Variants in PPFIA2 observed in about 807,000 individuals in gnomAD.
PPFIA2 encodes liprin-alpha-2.
A neutral mutation model predicts 175.5 loss-of-function variants in PPFIA2; 46 were observed. That is an observed-to-expected ratio of 0.26 (90% CI 0.21 to 0.34). The LOEUF is 0.34. Among genes scored for constraint, PPFIA2 ranks in the 10% least tolerant of loss-of-function variants. PPFIA2 has a pLI of 1.00. For missense variants in PPFIA2, 1,179 were observed against 1,506.1 expected (o/e 0.78, Z 3.60); for synonymous variants, 568 against 511.4 (o/e 1.11, Z -1.49).
chr12:81,261,191 G>T (rs1344822931), intron 32 of PPFIA2: 1 of 152,060 alleles, frequency 6.6e-6, no homozygotes, highest in East Asian at 1.9e-4. Context: ...ATGTAATAAA[G>T]GTTTGAATTT....
chr12:81,648,782 AAGAT>A lies in PPFIA2; in HGVS notation c.303+28005_303+28008del, dbSNP rs145054600. On this transcript the variant is annotated intron_variant, in intron 4 of 32. Transcript: ENST00000549396. ...TAATAATGACTCTATTATTGGCAAA[AAGAT>A]AGACTTACAGATCAATGGAAAAGAA... Among the ~76,000 whole-genome samples, 637 of 152,194 alleles carry A rather than the reference AAGAT, an allele frequency of 4.2e-3. 6 individuals carry two copies. Among genetic ancestry groups the A allele is most frequent in the African/African-American group, 0.015 (609 of 41,560 alleles).
chr12:81,305,429 T>C (rs1317524568), intron 22 of PPFIA2, among the ~76,000 whole-genome samples: 2 of 152,192 alleles, frequency 1.3e-5, no homozygotes, highest in Non-Finnish European at 2.9e-5. Context: ...CTATAATGGC[T>C]TTTAATTTAC....
intron 21 of PPFIA2, among the ~76,000 whole-genome samples, chr12:81,328,899 A>C (rs1205928966): frequency 1.3e-5 from 2 of 149,408 alleles, no homozygotes; most frequent in Non-Finnish European, 3.0e-5. Context: ...CTGCAGCCTC[A>C]AACTCCTGAA....
At chr12:81,295,622 G>A (rs2137951541) in intron 23 of PPFIA2, among the ~76,000 whole-genome samples, 1 of 152,292 alleles carries the variant, frequency 6.6e-6, no homozygotes, top group Middle Eastern at 3.4e-3. Flanking sequence ...GTGAAATGAT[G>A]TGCTAAGAAA....
intron 4 of PPFIA2, among the ~76,000 whole-genome samples, chr12:81,471,778 T>C (rs968469682): frequency 6.6e-6 from 1 of 152,184 alleles, no homozygotes; most frequent in Non-Finnish European, 1.5e-5. Context: ...GAATATGGGT[T>C]TCAATTTCTC....
At chr12:81,742,426 A>G (rs2082435392) in intron 3 of PPFIA2, among the ~76,000 whole-genome samples, 1 of 152,170 alleles carries the variant, frequency 6.6e-6, no homozygotes, top group South Asian at 2.1e-4. Flanking sequence ...TTCTGCACAT[A>G]CTTTGCAGGA....
chr12:81,654,272 C>G (rs933325697), intron 4 of PPFIA2, among the ~76,000 whole-genome samples: 1 of 151,930 alleles, frequency 6.6e-6, no homozygotes. Flanking sequence ...CTATTTTATA[C>G]TGATTTTTTT....
At position 81,354,671 on chromosome 12, in the gene PPFIA2, T is replaced by A. The variant is rs184804703; in HGVS notation, c.1774-1332A>T. On this transcript the variant is annotated intron_variant, in intron 16 of 32. Transcript: ENST00000549396. Reference sequence around the variant, plus strand: ...TTGATTTTTTTTTTTTGAGAGGGAGTCTTGCTCTGTTGCCCAGGCTGGAGG... The same window carrying A: ...TTGATTTTTTTTTTTTGAGAGGGAGACTTGCTCTGTTGCCCAGGCTGGAGG... Among the ~76,000 whole-genome samples, 4 of 151,208 alleles carry A rather than the reference T, an allele frequency of 2.6e-5. No homozygotes were observed. The East Asian group carries it at 7.8e-4, about 29-fold the overall frequency.
At position 81,648,373 on chromosome 12, in the gene PPFIA2, A is replaced by G. The variant is rs377478252; in HGVS notation, c.303+28418T>C. Among the ~76,000 whole-genome samples, 24 of 152,184 alleles carry G rather than the reference A, an allele frequency of 1.6e-4. No homozygotes were observed. In the East Asian group the frequency reaches 4.4e-3, roughly 28 times the overall value. ...TATGTAAAAAAAGCTATTAGAACTA[A>G]TAGTGTATACAGTAAGATTGCATGA... On this transcript the variant is annotated intron_variant, in intron 4 of 32. Coordinates refer to ENST00000549396, the MANE Select transcript of PPFIA2 (RefSeq NM_003625.5).
intron 4 of PPFIA2, among the ~76,000 whole-genome samples, chr12:81,607,122 T>C (rs1316215835): frequency 6.6e-6 from 1 of 152,072 alleles, no homozygotes; most frequent in African/African-American, 2.4e-5. Flanking sequence ...CTGATGGTTG[T>C]AGGTGGTATC....
chr12:81,631,750 G>A, intron 4 of PPFIA2, among the ~76,000 whole-genome samples: 1 of 152,108 alleles, frequency 6.6e-6, no homozygotes, highest in East Asian at 1.9e-4. Context: ...ATATATCCAA[G>A]AGCAAGACTG....
chr12:81,277,593 A>G (rs2040867228), intron 27 of PPFIA2, among the ~76,000 whole-genome samples, 179 bp from the exon 28 acceptor site: 1 of 152,170 alleles, frequency 6.6e-6, no homozygotes, highest in Non-Finnish European at 1.5e-5. Context: ...TATTCTAAGC[A>G]CAAAATGTTT....
intron 21 of PPFIA2, among the ~76,000 whole-genome samples, chr12:81,329,289 C>T (rs2055572333): frequency 1.3e-5 from 2 of 152,168 alleles, no homozygotes; most frequent in South Asian, 4.1e-4. Context: ...CAGCAGACTA[C>T]TTACATAATA....
At position 81,312,300 on chromosome 12, in the gene PPFIA2, A is replaced by G. The variant is rs544541895; in HGVS notation, c.2643-12918T>C. ...AGATGTGAGAAAGCTCAGGTATGAG[A>G]AAGACATGGTGCCATTTTGTATTTC... is the stretch of plus-strand genomic sequence containing the variant. On this transcript the variant is annotated intron_variant, in intron 22 of 32. Transcript: ENST00000549396. 6.4e-5 allele frequency: 55 copies of G among 857,166 alleles called. 1 individual carries two copies. In the South Asian group the frequency reaches 8.5e-4, roughly 13 times the overall value. The allele number at this position is 857,166 out of a possible 1,614,324, so 53.1% of individuals were successfully genotyped here.
intron 4 of PPFIA2, among the ~76,000 whole-genome samples, chr12:81,528,928 G>T (rs2064097703): frequency 6.6e-6 from 1 of 151,960 alleles, no homozygotes; most frequent in African/African-American, 2.4e-5. Context: ...TAACAGCTAT[G>T]AAAAGAGACA....
At chr12:81,634,452 T>A (rs2063757871) in intron 4 of PPFIA2, among the ~76,000 whole-genome samples, 1 of 152,060 alleles carries the variant, frequency 6.6e-6, no homozygotes, top group Non-Finnish European at 1.5e-5. Context: ...TGATGAAGCA[T>A]CCCAATCCAG....
chr12:81,474,680 G>A (rs1337374555), intron 4 of PPFIA2, among the ~76,000 whole-genome samples: 1 of 152,152 alleles, frequency 6.6e-6, no homozygotes, highest in East Asian at 1.9e-4. Context: ...TAACTTAACT[G>A]CTGTGAAATA....
intron 8 of PPFIA2, among the ~76,000 whole-genome samples, chr12:81,401,282 T>A (rs766697250): frequency 6.6e-6 from 1 of 152,172 alleles, no homozygotes; most frequent in Non-Finnish European, 1.5e-5. Context: ...TAAGCATTTA[T>A]TGCTTCTATA....
chr12:81,699,938 T>G (rs2076308557), intron 3 of PPFIA2, among the ~76,000 whole-genome samples: 1 of 152,090 alleles, frequency 6.6e-6, no homozygotes, highest in African/African-American at 2.4e-5. Flanking sequence ...TATTGCTAAA[T>G]AAAATTCTTA....
Sources: gnomAD v4.1 joint callset for allele counts (sites outside exome capture counted in the v4.1 genomes callset) on GRCh38, gnomAD v4.1.1 for gene constraint, MANE v1.5 for transcripts, NCBI Gene and HGNC (gene_info 2026-07-23, HGNC 2026-07-21) for gene names.